Variants in NR3C2 observed in about 807,000 individuals in gnomAD.
NR3C2 encodes mineralocorticoid receptor.
NR3C2 carries 15 observed loss-of-function variants against 86.4 expected under a neutral mutation model. The observed-to-expected ratio is 0.17, with a 90% CI of 0.12 to 0.27. NR3C2 has a LOEUF of 0.27. Among genes scored for constraint, NR3C2 ranks in the 10% least tolerant of loss-of-function variants. The probability of loss-of-function intolerance (pLI) is 1.00; values close to 1 mark genes in which losing one functional copy is unlikely to be tolerated. For synonymous variants in NR3C2, 458 were observed against 450.5 expected (o/e 1.02, Z -0.21); for missense variants, 960 against 1,195.6 (o/e 0.80, Z 2.91).
At chr4:148,286,719 G>C (rs1741540760) in intron 2 of NR3C2, among the ~76,000 whole-genome samples, 1 of 151,782 alleles carries the variant, frequency 6.6e-6, no homozygotes, top group South Asian at 2.1e-4. Context: ...TGAGATACAG[G>C]GTTAAAAAAA....
intron 4 of NR3C2, among the ~76,000 whole-genome samples, chr4:148,162,191 C>T (rs753134382): frequency 6.6e-6 from 1 of 152,134 alleles, no homozygotes; most frequent in Non-Finnish European, 1.5e-5. Flanking sequence ...TCTGATTTTA[C>T]AGAGACAATA....
At chr4:148,320,826 C>T (rs1348879406) in intron 2 of NR3C2, among the ~76,000 whole-genome samples, 1 of 150,698 alleles carries the variant, frequency 6.6e-6, no homozygotes, top group Non-Finnish European at 1.5e-5. Flanking sequence ...TTCAAAAAAC[C>T]AGCTCCTGGA....
At chr4:148,318,630 T>C (rs1247199461) in intron 2 of NR3C2, among the ~76,000 whole-genome samples, 1 of 152,256 alleles carries the variant, frequency 6.6e-6, no homozygotes, top group Non-Finnish European at 1.5e-5. Flanking sequence ...CGGCCAGTGA[T>C]GATGAGCATT....
chr4:148,229,367 C>A (rs1046642289), intron 3 of NR3C2, among the ~76,000 whole-genome samples: 2 of 152,168 alleles, frequency 1.3e-5, no homozygotes, highest in African/African-American at 4.8e-5. Context: ...CCTAATAAAT[C>A]TGCCCTCCTC....
At chr4:148,401,684 G>A (rs1024039968) in intron 2 of NR3C2, among the ~76,000 whole-genome samples, 2 of 151,910 alleles carry the variant, frequency 1.3e-5, no homozygotes, top group African/African-American at 2.4e-5. Context: ...GGATGGTCTC[G>A]ATCTCCTGAC....
chr4:148,209,193 G>A (rs945526442), intron 3 of NR3C2, among the ~76,000 whole-genome samples: 2 of 147,352 alleles, frequency 1.4e-5, no homozygotes, highest in Non-Finnish European at 3.0e-5. Context: ...GCAGTGAGCC[G>A]AAATAGTGCG....
At chr4:148,140,341 C>A (rs942622087) in intron 6 of NR3C2, among the ~76,000 whole-genome samples, 2 of 152,134 alleles carry the variant, frequency 1.3e-5, no homozygotes. Flanking sequence ...TGCACTCCAG[C>A]CTAGGTGACA....
At chr4:148,428,924 C>T (rs1749675314) in intron 2 of NR3C2, among the ~76,000 whole-genome samples, 1 of 152,168 alleles carries the variant, frequency 6.6e-6, no homozygotes, top group South Asian at 2.1e-4. Flanking sequence ...AAGTTAAGTA[C>T]AAATTTCTTA....
chr4:148,142,294 A>C (rs1218898920), intron 6 of NR3C2, among the ~76,000 whole-genome samples: 7 of 152,172 alleles, frequency 4.6e-5, no homozygotes, highest in African/African-American at 1.7e-4. Flanking sequence ...GAGCGTTACT[A>C]GGGAGAAAAC....
At chr4:148,194,333 T>C (rs1346291661) in intron 4 of NR3C2, among the ~76,000 whole-genome samples, 1 of 152,228 alleles carries the variant, frequency 6.6e-6, no homozygotes, top group Non-Finnish European at 1.5e-5. Flanking sequence ...TTTTCATATA[T>C]ATCTTTCTTT....
intron 3 of NR3C2, chr4:148,201,061 T>G (rs72726686): frequency 6.6e-6 from 1 of 152,330 alleles, no homozygotes; most frequent in Non-Finnish European, 1.5e-5. Flanking sequence ...TAGGGGGCAC[T>G]CCATAGGAAA....
chr4:148,119,893 T>C lies in NR3C2; in HGVS notation c.2641+265A>G, dbSNP rs567563198. 1.4e-4 allele frequency among the ~76,000 whole-genome samples: 22 copies of C among 152,236 alleles called. No homozygotes were observed. In the South Asian group the frequency reaches 3.7e-3, roughly 26 times the overall value. On this transcript the variant is annotated intron_variant, in intron 7 of 8. Transcript: ENST00000358102. Reference sequence around the variant, plus strand: ...TTTCCTGAATTGCCCAATCCTACCATACACATAACAGATACTTTATAAACA... The same window carrying C: ...TTTCCTGAATTGCCCAATCCTACCACACACATAACAGATACTTTATAAACA...
intron 8 of NR3C2, among the ~76,000 whole-genome samples, chr4:148,107,387 C>T (rs1731848872): frequency 6.6e-6 from 1 of 152,170 alleles, no homozygotes; most frequent in Admixed American, 6.5e-5. Context: ...AATGCTTTTA[C>T]ACTGTTGGTG....
At chr4:148,365,186 T>C (rs1746048414) in intron 2 of NR3C2, among the ~76,000 whole-genome samples, 1 of 152,168 alleles carries the variant, frequency 6.6e-6, no homozygotes, top group African/African-American at 2.4e-5. Flanking sequence ...GCAGAAAAGA[T>C]ACATCACAGT....
At chr4:148,408,812 T>C (rs960690569) in intron 2 of NR3C2, among the ~76,000 whole-genome samples, 11 of 152,200 alleles carry the variant, frequency 7.2e-5, no homozygotes, top group African/African-American at 2.2e-4. Flanking sequence ...TTTAAGACTG[T>C]GTATTTCTGC....
intron 6 of NR3C2, 120 bp downstream of exon 6, chr4:148,152,348 TA>T: frequency 3.5e-6 from 4 of 1,144,602 alleles, no homozygotes; most frequent in Non-Finnish European, 5.1e-6. Context: ...TTTTTAACGT[TA>T]AAAAATGCCA....
At chr4:148,417,626 G>T (rs1384253481) in intron 2 of NR3C2, among the ~76,000 whole-genome samples, 1 of 152,088 alleles carries the variant, frequency 6.6e-6, no homozygotes, top group Non-Finnish European at 1.5e-5. Context: ...CTTCTATTCT[G>T]GTTACAGGCA....
intron 7 of NR3C2, among the ~76,000 whole-genome samples, chr4:148,117,356 C>A (rs895721613): frequency 1.3e-5 from 2 of 152,172 alleles, no homozygotes; most frequent in Non-Finnish European, 2.9e-5. Flanking sequence ...ATGGAGTCTG[C>A]GATTTTGCCT....
chr4:148,390,820 G>C (rs1747508329), intron 2 of NR3C2, among the ~76,000 whole-genome samples: 2 of 152,070 alleles, frequency 1.3e-5, no homozygotes, highest in African/African-American at 4.8e-5. Flanking sequence ...ACCTATAAAA[G>C]TAAAAAATTA....
Sources: gnomAD v4.1 joint callset for allele counts (sites outside exome capture counted in the v4.1 genomes callset) on GRCh38, gnomAD v4.1.1 for gene constraint, MANE v1.5 for transcripts, NCBI Gene and HGNC (gene_info 2026-07-23, HGNC 2026-07-21) for gene names.